PCDHA1: variants seen among roughly 807,000 people sequenced by gnomAD.
PCDHA1 encodes the protein protocadherin alpha-1.
Under a neutral mutation model 61.3 loss-of-function variants are expected in PCDHA1, and 42 were observed. The ratio of observed to expected loss-of-function variants is 0.69; its 90% CI spans 0.54 to 0.89. PCDHA1 has a LOEUF of 0.89. Ranked by LOEUF, PCDHA1 falls within the 40% of genes least tolerant of loss-of-function variation. The pLI is 0.00. For synonymous variants in PCDHA1, 610 were observed against 553.8 expected, an observed-to-expected ratio of 1.10 and a Z score of -1.43; for missense variants, 1,256 against 1,235.3, an observed-to-expected ratio of 1.02 and a Z score of -0.25.
intron 1 of PCDHA1, chr5:140,807,290 G>A: frequency 6.2e-7 from 1 of 1,614,210 alleles, no homozygotes; most frequent in Non-Finnish European, 8.5e-7. Flanking sequence ...CCACTACTCG[G>A]TCTCCGAGGA....
chr5:140,887,323 C>T (rs1209011082), intron 1 of PCDHA1, among the ~76,000 whole-genome samples: 5 of 152,084 alleles, frequency 3.3e-5, no homozygotes, highest in African/African-American at 1.2e-4. Context: ...GTCTCGAACT[C>T]CTGACCTCGT....
intron 3 of PCDHA1, among the ~76,000 whole-genome samples, chr5:141,000,500 T>A (rs1440390927): frequency 5.7e-5 from 8 of 140,516 alleles, no homozygotes; most frequent in Non-Finnish European, 1.2e-4. Context: ...AGATCTCGGC[T>A]CACTGCAACC....
intron 1 of PCDHA1, among the ~76,000 whole-genome samples, chr5:140,892,996 G>A (rs1014134688): frequency 2.0e-5 from 3 of 152,162 alleles, no homozygotes; most frequent in Admixed American, 1.3e-4. Flanking sequence ...GTGAGAACAT[G>A]TATTTATTTT....
At chr5:140,947,734 C>T (rs2094167568) in intron 1 of PCDHA1, among the ~76,000 whole-genome samples, 1 of 151,286 alleles carries the variant, frequency 6.6e-6, no homozygotes, top group African/African-American at 2.4e-5. Flanking sequence ...TTTTGTAATA[C>T]CTATTCTTAT....
At chr5:140,890,697 C>G (rs1479609896) in intron 1 of PCDHA1, among the ~76,000 whole-genome samples, 1 of 152,124 alleles carries the variant, frequency 6.6e-6, no homozygotes, top group Non-Finnish European at 1.5e-5. Context: ...ATGCAGGGAC[C>G]TTACATTTTT....
chr5:140,839,690 G>A (rs1776366219), intron 1 of PCDHA1, among the ~76,000 whole-genome samples: 1 of 151,916 alleles, frequency 6.6e-6, no homozygotes, highest in African/African-American at 2.4e-5. Flanking sequence ...AGATTTTTTT[G>A]GGTAAATAAT....
intron 1 of PCDHA1, among the ~76,000 whole-genome samples, chr5:140,905,531 C>T (rs2071895291): frequency 6.6e-6 from 1 of 151,776 alleles, no homozygotes; most frequent in African/African-American, 2.4e-5. Context: ...TTTTTTGGTT[C>T]CATATGAACT....
At chr5:140,797,357 G>A (rs1472437561) in intron 1 of PCDHA1, 1 of 1,611,936 alleles carries the variant, frequency 6.2e-7, no homozygotes. Context: ...GGAAAGGTGA[G>A]TCTTTTACTT....
chr5:140,958,135 G>A (rs868969031), intron 1 of PCDHA1, among the ~76,000 whole-genome samples: 1 of 152,036 alleles, frequency 6.6e-6, no homozygotes, highest in Non-Finnish European at 1.5e-5. Flanking sequence ...GTATCAGTGT[G>A]TATATTTATA....
At chr5:141,000,415 ATATATATTTTTT>A (rs1251582263) in intron 3 of PCDHA1, among the ~76,000 whole-genome samples, 1 of 87,388 alleles carries the variant, frequency 1.1e-5, no homozygotes, top group East Asian at 3.4e-4. Context: ...ATATATATAT[ATATATATTTTTT>A]TTTTTTTTTT....
At chr5:140,849,964 T>A in intron 1 of PCDHA1, 1 of 1,597,810 alleles carries the variant, frequency 6.3e-7, no homozygotes. Flanking sequence ...AACGCCCTGG[T>A]GTCCTACTCG....
chr5:140,831,254 T>C (rs1298063244), intron 1 of PCDHA1: 1 of 152,260 alleles, frequency 6.6e-6, no homozygotes, highest in Non-Finnish European at 1.5e-5. Context: ...CTCTTATTTC[T>C]GTTTGAATTT....
intron 1 of PCDHA1, chr5:140,865,657 A>C (rs2048950943): frequency 6.6e-6 from 1 of 152,200 alleles, no homozygotes; most frequent in Admixed American, 6.5e-5. Flanking sequence ...ATTTCATTTA[A>C]TACTTATAAC....
chr5:140,824,869 T>G (rs2150137478), intron 1 of PCDHA1: 15 of 152,136 alleles, frequency 9.9e-5, no homozygotes, highest in Admixed American at 3.3e-4. Flanking sequence ...ATTGTATTTT[T>G]GCAGCATATG....
Position 141,009,995 on chromosome 5 carries a change from C to T in PCDHA1, c.*58C>T, listed in dbSNP as rs1178395504. 6.3e-7 allele frequency: 1 copy of T among 1,576,476 alleles called. No individual in the cohort carries two copies. The highest frequency in any genetic ancestry group is 8.6e-7 in the Non-Finnish European group (1 of 1,165,244). ...TTTTTGTAATAATGGCAAATCTCTC[C>T]CATGTAGCAATTCCCTGCTCCTTTT... On this transcript the variant is annotated 3_prime_UTR_variant, in exon 4 of 4. Coordinates refer to ENST00000504120, the MANE Select transcript of PCDHA1 (RefSeq NM_018900.4).
chr5:140,901,196 C>T (rs1294830498), intron 1 of PCDHA1, among the ~76,000 whole-genome samples: 7 of 152,222 alleles, frequency 4.6e-5, no homozygotes, highest in African/African-American at 1.7e-4. Flanking sequence ...CTTTTCTGTG[C>T]AGAAGGTTTT....
At chr5:141,008,985 A>G (rs566679512) in intron 3 of PCDHA1, among the ~76,000 whole-genome samples, 2 of 152,240 alleles carry the variant, frequency 1.3e-5, no homozygotes, top group South Asian at 4.1e-4. Context: ...AGTTTAATCT[A>G]GACACTAAAA....
intron 1 of PCDHA1, among the ~76,000 whole-genome samples, chr5:140,915,296 A>G (rs556254508): frequency 6.6e-6 from 1 of 152,086 alleles, no homozygotes; most frequent in East Asian, 1.9e-4. Flanking sequence ...TCTACTTAAG[A>G]TAAGTTTACA....
chr5:140,857,164 C>A (rs782269515), intron 1 of PCDHA1: 3 of 1,598,230 alleles, frequency 1.9e-6, no homozygotes, highest in South Asian at 1.1e-5. Context: ...CCCTAATCAG[C>A]GTTTCTGACC....
Sources: allele counts gnomAD v4.1 joint callset (sites outside exome capture counted in the v4.1 genomes callset), GRCh38; gene constraint gnomAD v4.1.1; transcripts MANE v1.5; gene names NCBI Gene and HGNC (gene_info 2026-07-23, HGNC 2026-07-21).